The following MYOM2 variants were observed in gnomAD, a reference collection of about 807,000 sequenced individuals.
MYOM2 encodes myomesin 2.
Under a neutral mutation model 187.6 loss-of-function variants are expected in MYOM2, and 254 were observed. The ratio of observed to expected loss-of-function variants is 1.35; its 90% CI spans 1.22 to 1.50. The LOEUF (loss-of-function observed/expected upper bound fraction) is 1.50, where lower values mean the gene tolerates loss of function less well. Among genes scored for constraint, MYOM2 ranks in the 40% most tolerant of loss-of-function variants. The pLI, the probability that MYOM2 is intolerant of heterozygous loss-of-function variation, is 0.00. For synonymous variants in MYOM2, 981 were observed against 753.8 expected (o/e 1.30, Z -4.94); for missense variants, 2,796 against 1,924.0 (o/e 1.45, Z -8.48).
chr8:2,103,496 AT>A (rs1399850789), intron 21 of MYOM2, among the ~76,000 whole-genome samples: 1 of 149,582 alleles, frequency 6.7e-6, no homozygotes, highest in Non-Finnish European at 1.5e-5. Flanking sequence ...GGGTATATGA[AT>A]AAATGAGTGG....
intron 13 of MYOM2, among the ~76,000 whole-genome samples, chr8:2,082,686 A>G (rs943825666): frequency 2.0e-5 from 3 of 152,210 alleles, no homozygotes; most frequent in Non-Finnish European, 4.4e-5. Context: ...AGACCCTCAC[A>G]GAATATAATA....
At position 2,140,794 on chromosome 8, in the gene MYOM2, G is replaced by T. The variant is rs143646514; in HGVS notation, c.3872G>T (p.Cys1291Phe). Residue 1291 changes from cysteine to phenylalanine, a missense_variant, in exon 33 of 37, where the codon TGT becomes TTT. Transcript: ENST00000262113. ...GAAGAGATGGCTTGGCTGCAGATAT[G>T]TGAGCCGACTGAGAAGGATAAAGGA... is the stretch of plus-strand genomic sequence containing the variant. ...GSEEMAWLQI[C>F]EPTEKDKGKY... 3,872 of 1,613,340 alleles carry T rather than the reference G, an allele frequency of 2.4e-3. 59 individuals carry two copies. In the East Asian group the frequency reaches 0.035, roughly 14 times the overall value.
intron 34 of MYOM2, among the ~76,000 whole-genome samples, chr8:2,142,079 A>G (rs921232959): frequency 2.7e-4 from 2 of 7,346 alleles, no homozygotes; most frequent in African/African-American, 2.8e-3. Flanking sequence ...TGAATTTGTG[A>G]AAAAAAAAAA....
intron 19 of MYOM2, among the ~76,000 whole-genome samples, chr8:2,100,096 CCTTCCTTCCTTCTTTCTTT>C (rs1796641657): frequency 2.4e-4 from 27 of 113,624 alleles, no homozygotes; most frequent in African/African-American, 7.8e-4. Context: ...TTCCTTCCTT[CCTTCCTTCCTTCTTTCTTT>C]CCTTCCTTCC....
At chr8:2,047,548 G>C (rs1267057239) in intron 1 of MYOM2, among the ~76,000 whole-genome samples, 4 of 152,164 alleles carry the variant, frequency 2.6e-5, no homozygotes, top group Non-Finnish European at 5.9e-5. Context: ...GAAATCCAAG[G>C]GTTCTGATTT....
At chr8:2,126,760 G>C (rs1050567011) in intron 31 of MYOM2, among the ~76,000 whole-genome samples, 2 of 141,662 alleles carry the variant, frequency 1.4e-5, no homozygotes, top group African/African-American at 2.7e-5. Flanking sequence ...GGGGGAGGAT[G>C]GGGGAGTACT....
intron 3 of MYOM2, 78 bp downstream of exon 3, chr8:2,052,391 G>T: frequency 7.0e-7 from 1 of 1,438,446 alleles, no homozygotes; most frequent in Admixed American, 2.9e-5. Context: ...GAGGAGGGAA[G>T]AGCGACCTTA....
intron 6 of MYOM2, among the ~76,000 whole-genome samples, chr8:2,066,064 G>A (rs529996632): frequency 2.6e-5 from 4 of 152,206 alleles, no homozygotes; most frequent in Non-Finnish European, 4.4e-5. Context: ...GAGTACAAGG[G>A]TGGGTCAAGG....
intron 14 of MYOM2, among the ~76,000 whole-genome samples, 180 bp downstream of exon 14, chr8:2,085,570 C>A (rs140815422): frequency 1.0e-4 from 2 of 19,238 alleles, no homozygotes; most frequent in Admixed American, 5.4e-4. Flanking sequence ...CTGCGTGGCC[C>A]CACTGTTGTG....
chr8:2,128,724 A>G (rs933842954), intron 31 of MYOM2, among the ~76,000 whole-genome samples: 1 of 152,160 alleles, frequency 6.6e-6, no homozygotes, highest in African/African-American at 2.4e-5. Context: ...CTCCCACCTG[A>G]AAGAGTCCTG....
intron 14 of MYOM2, among the ~76,000 whole-genome samples, chr8:2,087,488 T>A (rs1470704672): frequency 2.6e-5 from 4 of 152,212 alleles, no homozygotes; most frequent in Non-Finnish European, 5.9e-5. Context: ...ATATAGTTAT[T>A]TGTGTTACGA....
chr8:2,057,006 G>A (rs1269801988), intron 3 of MYOM2, among the ~76,000 whole-genome samples: 1 of 152,166 alleles, frequency 6.6e-6, no homozygotes, highest in Non-Finnish European at 1.5e-5. Flanking sequence ...GTCTTTTGCT[G>A]CTCACGGTAA....
At chr8:2,127,424 G>C (rs2116873850) in intron 31 of MYOM2, among the ~76,000 whole-genome samples, 1 of 152,324 alleles carries the variant, frequency 6.6e-6, no homozygotes, top group South Asian at 2.1e-4. Context: ...CAGTTCCCTA[G>C]ACCTCATGCC....
chr8:2,140,002 A>G (rs997812116), intron 32 of MYOM2, among the ~76,000 whole-genome samples: 5 of 152,114 alleles, frequency 3.3e-5, no homozygotes, highest in African/African-American at 1.2e-4. Context: ...TCGTGCAGGC[A>G]CCACCACCAC....
chr8:2,142,782 G>T (rs62501383), intron 35 of MYOM2, among the ~76,000 whole-genome samples: 1,446 of 136,680 alleles, frequency 0.011, 26 homozygotes, highest in African/African-American at 0.037. Flanking sequence ...TTTTGACAGA[G>T]TCTTGCTCTG....
intron 32 of MYOM2, among the ~76,000 whole-genome samples, chr8:2,132,712 C>G (rs73657737): frequency 0.14 from 21,044 of 151,964 alleles, 2,540 homozygotes; most frequent in African/African-American, 0.31. Flanking sequence ...TTGGCCACCT[C>G]ACATGCCTCA....
In MYOM2 at chr8:2,073,628, C is replaced by T. The variant is rs553213993; in HGVS notation, c.1120+128C>T. Reference sequence around the variant, plus strand: ...TGAGACCACTTTGCTCCTTGGAGACCCCATGCGGCCCCGATTTTCCCTCAG... The same window carrying T: ...TGAGACCACTTTGCTCCTTGGAGACTCCATGCGGCCCCGATTTTCCCTCAG... On this transcript the variant is annotated intron_variant, in intron 10 of 36. Coordinates refer to ENST00000262113, the MANE Select transcript of MYOM2 (RefSeq NM_003970.4). 622 of 1,115,872 alleles carry T rather than the reference C, an allele frequency of 5.6e-4. 2 individuals are homozygous for T. The African/African-American group carries it at 8.9e-3, about 16-fold the overall frequency. 69.1% of individuals were successfully genotyped at this position (1,115,872 alleles called of 1,614,324 possible). A position where few individuals can be genotyped will look rare whatever the true frequency, so the allele number is the denominator to read the frequency against.
At chr8:2,052,482 C>T (rs548085862) in intron 3 of MYOM2, among the ~76,000 whole-genome samples, 169 bp downstream of exon 3, 1 of 152,364 alleles carries the variant, frequency 6.6e-6, no homozygotes, top group South Asian at 2.1e-4. Flanking sequence ...ACCTGCTTCT[C>T]TTTACCATCA....
chr8:2,057,253 C>G, intron 3 of MYOM2, 95 bp from the exon 4 acceptor site: 2 of 1,433,766 alleles, frequency 1.4e-6, no homozygotes, highest in Non-Finnish European at 1.9e-6. Context: ...TAAGGAAACC[C>G]TAGGGAGAGA....
Sources: allele counts gnomAD v4.1 joint callset (sites outside exome capture counted in the v4.1 genomes callset), GRCh38; gene constraint gnomAD v4.1.1; transcripts MANE v1.5; gene names NCBI Gene and HGNC (gene_info 2026-07-23, HGNC 2026-07-21).